PTPRN2: variants seen among roughly 807,000 people sequenced by gnomAD.
The protein encoded by PTPRN2 is protein tyrosine phosphatase receptor type N2.
Under a neutral mutation model 118.8 loss-of-function variants are expected in PTPRN2, and 74 were observed. The observed-to-expected ratio is 0.62, with a 90% CI of 0.52 to 0.76. The LOEUF (loss-of-function observed/expected upper bound fraction) is 0.76, where lower values mean the gene tolerates loss of function less well. PTPRN2 is among the 30% of genes least tolerant of loss of function. The pLI, the probability that PTPRN2 is intolerant of heterozygous loss-of-function variation, is 0.00. For synonymous variants in PTPRN2, 641 were observed against 608.0 expected (o/e 1.05, Z -0.80); for missense variants, 1,481 against 1,394.4 (o/e 1.06, Z -0.99).
intron 11 of PTPRN2, among the ~76,000 whole-genome samples, chr7:157,992,706 G>A (rs1804340631): frequency 6.6e-6 from 1 of 152,214 alleles, no homozygotes; most frequent in African/African-American, 2.4e-5. Flanking sequence ...AGATGTGGGG[G>A]GTCACACTCC....
chr7:158,226,927 G>A (rs1828832570), intron 3 of PTPRN2, among the ~76,000 whole-genome samples: 1 of 152,116 alleles, frequency 6.6e-6, no homozygotes, highest in African/African-American at 2.4e-5. Flanking sequence ...CCAGGCGACA[G>A]GCTGTTTGGA....
rs1801325589 is a variant in PTPRN2, at chr7:157,596,113, G to A, written c.2419-798C>T. ...TGAGGCTGAGCTCCAAGCTCTCAAT[G>A]GAGAGTGTGAACAGGGTTCCTCCAG... On this transcript the variant is annotated intron_variant, in intron 16 of 22. Coordinates refer to ENST00000389418, the MANE Select transcript of PTPRN2 (RefSeq NM_002847.5). This position sits in a 1 kb window ranked among gnomAD's most constrained non-coding sequence, Gnocchi z 4.2. Among the ~76,000 whole-genome samples, 1 of 152,258 alleles carries A rather than the reference G, an allele frequency of 6.6e-6. No homozygotes were observed. The highest frequency in any genetic ancestry group is 2.4e-5 in the African/African-American group (1 of 41,472).
intron 1 of PTPRN2, among the ~76,000 whole-genome samples, chr7:158,561,366 G>C (rs1827375367): frequency 1.3e-5 from 2 of 152,196 alleles, no homozygotes. Flanking sequence ...CTTCGGGGGT[G>C]TGGGGCTCCT....
chr7:157,653,756 C>A (rs1805833241), intron 14 of PTPRN2, among the ~76,000 whole-genome samples: 1 of 152,034 alleles, frequency 6.6e-6, no homozygotes, highest in Non-Finnish European at 1.5e-5. Flanking sequence ...GGTCCAAGGC[C>A]CACGTCTGGC....
At chr7:158,110,253 G>A (rs769158405) in intron 10 of PTPRN2, among the ~76,000 whole-genome samples, 2 of 152,218 alleles carry the variant, frequency 1.3e-5, no homozygotes, top group African/African-American at 4.8e-5. Context: ...ACATATGCAC[G>A]CATGGTTCCT....
In PTPRN2 at chr7:157,776,088, C is replaced by CCTCCTCTCCACCTCCTCT. The variant is rs369058056; in HGVS notation, c.1789-93169_1789-93152dup. On this transcript the variant is annotated intron_variant, in intron 12 of 22. Transcript: ENST00000389418. ...CCTCTTCCTCCCTCTTCTCTTCCTC[C>CCTCCTCTCCACCTCCTCT]CTCCTCTCCACCTCCTCTCTCCTCT... Among the ~76,000 whole-genome samples, 1,175 of 149,464 alleles carry CCTCCTCTCCACCTCCTCT rather than the reference C, an allele frequency of 7.9e-3. 20 individuals carry two copies. Among genetic ancestry groups the CCTCCTCTCCACCTCCTCT allele is most frequent in the African/African-American group, 0.028 (1,123 of 40,150 alleles).
chr7:157,617,326 C>T lies in PTPRN2; in HGVS notation c.2344+4036G>A, dbSNP rs1248188639. The T allele has an allele frequency of 2.0e-5, 3 of 148,942 alleles. No individual in the cohort carries two copies. Among genetic ancestry groups the T allele is most frequent in the Admixed American group, 6.7e-5 (1 of 14,918 alleles). The allele number at this position is 148,942 out of a possible 1,614,324, so 9.2% of individuals were successfully genotyped here. ...GCAGAGCACGGGGGACGCTGGCTCA[C>T]GATGCCCCAGTGATGCCGTGGTTAG... is the stretch of plus-strand genomic sequence containing the variant. On this transcript the variant is annotated intron_variant, in intron 15 of 22. Coordinates refer to ENST00000389418, the MANE Select transcript of PTPRN2 (RefSeq NM_002847.5). The surrounding 1 kb of genome is among the most constrained non-coding windows in gnomAD (Gnocchi z 7.5).
At chr7:158,105,403 C>T (rs1049175612) in intron 10 of PTPRN2, among the ~76,000 whole-genome samples, 11 of 150,676 alleles carry the variant, frequency 7.3e-5, no homozygotes, top group African/African-American at 2.2e-4. Flanking sequence ...TGCTCAGCTC[C>T]GTCAAACTCC....
intron 3 of PTPRN2, among the ~76,000 whole-genome samples, chr7:158,275,227 CAG>C (rs1243169471): frequency 6.6e-6 from 1 of 152,188 alleles, no homozygotes; most frequent in East Asian, 1.9e-4. Context: ...CTCGGGGCCA[CAG>C]AGACGTGCTC....
chr7:158,463,842 A>G (rs1733153), intron 2 of PTPRN2, among the ~76,000 whole-genome samples: 2,795 of 21,972 alleles, frequency 0.13, 411 homozygotes, highest in Admixed American at 0.17. Context: ...CCTTACCATC[A>G]CCATCATTGC....
chr7:158,528,046 G>A (rs193125502), intron 1 of PTPRN2, among the ~76,000 whole-genome samples: 1 of 152,224 alleles, frequency 6.6e-6, no homozygotes, highest in Non-Finnish European at 1.5e-5. Flanking sequence ...GGGCAGGCAG[G>A]GACAGCCGAG....
At chr7:158,428,276 C>T (rs1815896801) in intron 2 of PTPRN2, among the ~76,000 whole-genome samples, 1 of 152,014 alleles carries the variant, frequency 6.6e-6, no homozygotes, top group South Asian at 2.1e-4. Flanking sequence ...GAAGGCACAG[C>T]GGCGTCGGAC....
intron 11 of PTPRN2, among the ~76,000 whole-genome samples, chr7:157,971,743 T>C (rs768776560): frequency 2.6e-5 from 4 of 151,926 alleles, no homozygotes; most frequent in Admixed American, 6.6e-5. Context: ...AATGAGAGCA[T>C]TGGTAAAGTA....
chr7:158,420,140 C>T (rs747283186), intron 2 of PTPRN2, among the ~76,000 whole-genome samples: 2 of 152,204 alleles, frequency 1.3e-5, no homozygotes, highest in Non-Finnish European at 2.9e-5. Context: ...TGTTCTCCCT[C>T]CCAATTCCTC....
At chr7:158,333,455 C>T (rs1373067793) in intron 2 of PTPRN2, among the ~76,000 whole-genome samples, 2 of 147,280 alleles carry the variant, frequency 1.4e-5, no homozygotes, top group Admixed American at 6.6e-5. Context: ...AGACGTCTCT[C>T]ACACCCACAC....
intron 9 of PTPRN2, among the ~76,000 whole-genome samples, chr7:158,130,458 A>AAC (rs76701416): frequency 0.99 from 143,612 of 145,490 alleles, 70,868 homozygotes; most frequent in Admixed American, 0.99. Flanking sequence ...ACATCTACCC[A>AAC]ACACACTCAT....
intron 9 of PTPRN2, among the ~76,000 whole-genome samples, chr7:158,127,270 A>G (rs1817767321): frequency 1.3e-5 from 2 of 151,334 alleles, no homozygotes; most frequent in Non-Finnish European, 2.9e-5. Context: ...GAGGCTGCTC[A>G]TCCGTGCACC....
intron 9 of PTPRN2, among the ~76,000 whole-genome samples, chr7:158,116,344 C>T (rs1042604176): frequency 1.3e-4 from 20 of 152,184 alleles, no homozygotes; most frequent in Middle Eastern, 3.2e-3. Flanking sequence ...CAACACTGTG[C>T]TAGTAGGATC....
intron 3 of PTPRN2, among the ~76,000 whole-genome samples, chr7:158,303,758 G>C (rs1037318459): frequency 2.0e-5 from 3 of 152,250 alleles, no homozygotes; most frequent in Admixed American, 6.5e-5. Context: ...AATCAATTCA[G>C]AATCTTTGAA....
Sources: gnomAD v4.1 joint callset for allele counts (sites outside exome capture counted in the v4.1 genomes callset) on GRCh38, gnomAD v4.1.1 for gene constraint, Gnocchi (gnomAD v3.1) non-coding constraint, MANE v1.5 for transcripts, NCBI Gene and HGNC (gene_info 2026-07-23, HGNC 2026-07-21) for gene names.